MTREX: variants seen among roughly 807,000 people sequenced by gnomAD.
The protein encoded by MTREX is Mtr4 exosome RNA helicase.
MTREX carries 76 observed loss-of-function variants against 135.4 expected under a neutral mutation model. The ratio of observed to expected loss-of-function variants is 0.56; its 90% CI spans 0.47 to 0.68. MTREX has a LOEUF of 0.68. Among genes scored for constraint, MTREX ranks in the 30% least tolerant of loss-of-function variants. The pLI is 0.00. For synonymous variants in MTREX, 404 were observed against 401.6 expected (o/e 1.01, Z -0.07); for missense variants, 920 against 1,262.1 (o/e 0.73, Z 4.11).
chr5:55,321,748 A>T (rs558848926), intron 1 of MTREX, among the ~76,000 whole-genome samples: 54 of 151,820 alleles, frequency 3.6e-4, no homozygotes, highest in African/African-American at 1.2e-3. Context: ...AGCTGGGACT[A>T]CAGGCATGCG....
At chr5:55,322,880 C>T (rs907227177) in intron 2 of MTREX, among the ~76,000 whole-genome samples, 2 of 152,096 alleles carry the variant, frequency 1.3e-5, no homozygotes, top group African/African-American at 2.4e-5. Flanking sequence ...AGTGGCTGTG[C>T]ATCTCAAGAC....
intron 3 of MTREX, among the ~76,000 whole-genome samples, chr5:55,325,124 G>A (rs1043086215): frequency 7.2e-5 from 11 of 152,104 alleles, no homozygotes; most frequent in African/African-American, 2.4e-4. Flanking sequence ...AAACATTATA[G>A]CAAGTTATTT....
At chr5:55,362,174 C>A (rs1750024971) in intron 15 of MTREX, among the ~76,000 whole-genome samples, 1 of 144,792 alleles carries the variant, frequency 6.9e-6, no homozygotes, top group Non-Finnish European at 1.5e-5. Flanking sequence ...CTCAAGTGAT[C>A]TGCCCACCTT....
In MTREX at chr5:55,424,871, T is replaced by C; in HGVS notation, c.*99T>C. The C allele has an allele frequency of 1.2e-6, 1 of 801,840 alleles. No individual in the cohort carries two copies. The highest frequency in any genetic ancestry group is 2.1e-6 in the Non-Finnish European group (1 of 477,434). 49.7% of individuals were successfully genotyped at this position (801,840 alleles called of 1,614,324 possible). ...AGTGTGGATTTGGTTCTCCCATACA[T>C]TTTAATATGTATTATATTTAAATCA... is the stretch of plus-strand genomic sequence containing the variant. On this transcript the variant is annotated 3_prime_UTR_variant, in exon 27 of 27. Transcript: ENST00000230640.
At chr5:55,367,202 T>C (rs1750117552) in intron 16 of MTREX, among the ~76,000 whole-genome samples, 1 of 152,124 alleles carries the variant, frequency 6.6e-6, no homozygotes, top group African/African-American at 2.4e-5. Flanking sequence ...AAAAAGCACA[T>C]GCGGCTGGGC....
intron 11 of MTREX, among the ~76,000 whole-genome samples, chr5:55,347,622 A>G (rs982171238): frequency 6.6e-6 from 1 of 152,200 alleles, no homozygotes; most frequent in African/African-American, 2.4e-5. Flanking sequence ...AATTATTCCT[A>G]TACATTAATT....
intron 5 of MTREX, among the ~76,000 whole-genome samples, chr5:55,334,767 GA>G (rs1749528982): frequency 6.6e-6 from 1 of 152,008 alleles, no homozygotes; most frequent in Admixed American, 6.6e-5. Context: ...GGCAAACACT[GA>G]TCATCTTTTG....
At chr5:55,417,962 C>T (rs1431371737) in intron 25 of MTREX, among the ~76,000 whole-genome samples, 1 of 150,592 alleles carries the variant, frequency 6.6e-6, no homozygotes, top group East Asian at 1.9e-4. Context: ...AGGCCAGGCA[C>T]GGTGGCTTAC....
At chr5:55,387,571 CA>C (rs1218167939) in intron 18 of MTREX, among the ~76,000 whole-genome samples, 3 of 151,838 alleles carry the variant, frequency 2.0e-5, no homozygotes, top group African/African-American at 7.3e-5. Context: ...GACTAAAAGA[CA>C]ATAAAAATTG....
chr5:55,424,780 T>TA lies in MTREX; in HGVS notation c.*11dup. 1 of 1,600,858 alleles carries TA rather than the reference T, an allele frequency of 6.2e-7. No homozygotes were observed. The highest frequency in any genetic ancestry group is 8.6e-7 in the Non-Finnish European group (1 of 1,168,104). ...GCCAGCCTCTACTTGTAGAGTCAGC[T>TA]AAAGGAATGTGAGATTTTAAATTAT... On this transcript the variant is annotated 3_prime_UTR_variant, in exon 27 of 27. Transcript: ENST00000230640.
At chr5:55,370,080 C>T (rs1332056156) in intron 16 of MTREX, among the ~76,000 whole-genome samples, 3 of 151,964 alleles carry the variant, frequency 2.0e-5, no homozygotes, top group African/African-American at 4.8e-5. Flanking sequence ...TGCACCACCA[C>T]GCCCAGCTAA....
chr5:55,381,984 ATT>A (rs1252385641), intron 18 of MTREX, among the ~76,000 whole-genome samples: 6 of 152,020 alleles, frequency 3.9e-5, no homozygotes, highest in African/African-American at 1.4e-4. Context: ...TCTTTTGATT[ATT>A]CTTTGCATAA....
Position 55,397,557 on chromosome 5 carries a change from A to C in MTREX, c.2292+31A>C, listed in dbSNP as rs746659409. 5 of 1,380,952 alleles carry C rather than the reference A, an allele frequency of 3.6e-6. No homozygotes were observed. The East Asian group carries it at 1.2e-4, about 33-fold the overall frequency. The allele number at this position is 1,380,952 out of a possible 1,614,324, so 85.5% of individuals were successfully genotyped here. On this transcript the variant is annotated intron_variant, in intron 20 of 26. Transcript: ENST00000230640. ...TGTTAATTTCATAAGTTAAGTATAA[A>C]TTTTATGTAAATACAGGTAGTGTTT...
Position 55,400,264 on chromosome 5 carries a change from C to T in MTREX, c.2324C>T (p.Pro775Leu). 2 of 1,588,350 alleles carry T rather than the reference C, an allele frequency of 1.3e-6. No homozygotes were observed. The highest frequency in any genetic ancestry group is 8.6e-7 in the Non-Finnish European group (1 of 1,169,218). ...EVQKRFPDGI[P>L]LLDPIDDMGI... ...CAGAAACGTTTTCCTGACGGCATCCCCTTATTAGACCCTATTGATGATATG... is the reference window on the plus strand; with the variant it reads ...CAGAAACGTTTTCCTGACGGCATCCTCTTATTAGACCCTATTGATGATATG... The change falls in exon 21 of 27, where the codon CCC (proline) becomes CTC (leucine). Residue 775 changes from proline to leucine, a missense_variant. Around this residue, in one of 6 missense-constraint regions of MTREX, gnomAD observed 467 missense variants for 589.7 expected, o/e 0.79. Coordinates refer to ENST00000230640, the MANE Select transcript of MTREX (RefSeq NM_015360.5).
At chr5:55,373,670 A>T (rs1481122939) in intron 16 of MTREX, among the ~76,000 whole-genome samples, 1 of 152,132 alleles carries the variant, frequency 6.6e-6, no homozygotes, top group East Asian at 1.9e-4. Context: ...TAAAAATTTC[A>T]ATTTGTTAAA....
chr5:55,392,032 A>T (rs1325635128), intron 19 of MTREX, among the ~76,000 whole-genome samples: 3 of 152,132 alleles, frequency 2.0e-5, no homozygotes. Flanking sequence ...AGCGGGCCCC[A>T]GTTTGGTTCT....
chr5:55,362,557 C>T (rs1485572649), intron 15 of MTREX, among the ~76,000 whole-genome samples: 2 of 151,572 alleles, frequency 1.3e-5, no homozygotes, highest in East Asian at 2.0e-4. Flanking sequence ...GATGGGATTT[C>T]GCCATGTTAG....
chr5:55,403,196 A>G (rs1486946307), intron 21 of MTREX, among the ~76,000 whole-genome samples: 4 of 151,686 alleles, frequency 2.6e-5, no homozygotes, highest in Admixed American at 1.3e-4. Context: ...GTGAGACCCT[A>G]TCTCTTTAAA....
chr5:55,345,910 T>C (rs769921894), intron 10 of MTREX, among the ~76,000 whole-genome samples: 1 of 152,258 alleles, frequency 6.6e-6, no homozygotes, highest in East Asian at 1.9e-4. Context: ...TGAAGTGATA[T>C]GCCCATCGTG....
Sources: gnomAD v4.1 joint callset for allele counts (sites outside exome capture counted in the v4.1 genomes callset) on GRCh38, gnomAD v4.1.1 for gene constraint, gnomAD v4.1.1 regional missense constraint, MANE v1.5 for transcripts, NCBI Gene and HGNC (gene_info 2026-07-23, HGNC 2026-07-21) for gene names.